The following USP34 variants were observed in gnomAD, a reference collection of about 807,000 sequenced individuals.
USP34 encodes ubiquitin carboxyl-terminal hydrolase 34.
In USP34, 70 loss-of-function variants were observed where a neutral mutation model predicts 460.3. That is an observed-to-expected ratio of 0.15 (90% CI 0.13 to 0.19). The LOEUF (loss-of-function observed/expected upper bound fraction) is 0.19. USP34 is among the 10% of genes least tolerant of loss of function. The pLI is 1.00. For synonymous variants in USP34, 1,647 were observed against 1,405.3 expected, an observed-to-expected ratio of 1.17 and a Z score of -3.85; for missense variants, 3,985 against 4,236.2, an observed-to-expected ratio of 0.94 and a Z score of 1.65.
chr2:61,333,924 A>G lies in USP34; in HGVS notation c.2792T>C (p.Phe931Ser), dbSNP rs996710021. ...LRLLPKLFGT[F>S]QQFGSSYDTH... Reference sequence around the variant, plus strand: ...ATCGTAACTGCTCCCAAACTGCTGAAAAGTACCAAATAGTTTTGGAAGAAG... The same window carrying G: ...ATCGTAACTGCTCCCAAACTGCTGAGAAGTACCAAATAGTTTTGGAAGAAG... Residue 931 changes from phenylalanine (F) to serine (S), a missense_variant, in exon 19 of 80, where the codon TTT becomes TCT. Physicochemically the swap from Phe to Ser is radical, Grantham distance 155 (BLOSUM62 -2). Transcript: ENST00000398571. 2 of 1,597,814 alleles carry G rather than the reference A, an allele frequency of 1.3e-6. No individual in the cohort carries two copies. Among genetic ancestry groups the G allele is most frequent in the Admixed American group, 1.7e-5 (1 of 58,584 alleles).
At chr2:61,381,203 T>TA (rs756924837) in intron 6 of USP34, among the ~76,000 whole-genome samples, 52 of 97,940 alleles carry the variant, frequency 5.3e-4, no homozygotes, top group Middle Eastern at 6.0e-3. Flanking sequence ...GAATGATCAA[T>TA]AAAAAAAAAA....
chr2:61,308,205 A>G (rs1051460381), intron 27 of USP34, among the ~76,000 whole-genome samples: 1 of 152,196 alleles, frequency 6.6e-6, no homozygotes, highest in Admixed American at 6.5e-5. Flanking sequence ...AAATATTTAC[A>G]TTGAATGCAA....
At chr2:61,396,113 T>C (rs891364703) in intron 3 of USP34, among the ~76,000 whole-genome samples, 1 of 151,568 alleles carries the variant, frequency 6.6e-6, no homozygotes, top group African/African-American at 2.4e-5. Flanking sequence ...AAATACATGA[T>C]AGTTAAGTGG....
At chr2:61,372,481 C>T (rs1422882489) in intron 8 of USP34, among the ~76,000 whole-genome samples, 1 of 152,100 alleles carries the variant, frequency 6.6e-6, no homozygotes, top group African/African-American at 2.4e-5. Flanking sequence ...GTAATCCTAG[C>T]ACTTTGGGAG....
At chr2:61,423,089 A>T (rs550544410) in intron 1 of USP34, among the ~76,000 whole-genome samples, 1 of 152,342 alleles carries the variant, frequency 6.6e-6, no homozygotes, top group Non-Finnish European at 1.5e-5. Flanking sequence ...AATTCAAAAC[A>T]CAAAAATCAG....
intron 44 of USP34, among the ~76,000 whole-genome samples, chr2:61,258,087 C>T (rs1688769326): frequency 1.3e-5 from 2 of 152,142 alleles, no homozygotes; most frequent in Non-Finnish European, 2.9e-5. Context: ...GGTATGATAG[C>T]TCATGCCTGT....
At chr2:61,391,874 C>T (rs970200641) in intron 5 of USP34, among the ~76,000 whole-genome samples, 9 of 151,930 alleles carry the variant, frequency 5.9e-5, no homozygotes, top group African/African-American at 2.2e-4. Context: ...GGAAAAGATG[C>T]CTATTAAAGA....
At chr2:61,315,079 A>G in intron 23 of USP34, 105 bp from the exon 24 acceptor site, 1 of 736,702 alleles carries the variant, frequency 1.4e-6, no homozygotes, top group South Asian at 2.3e-5. Flanking sequence ...CCTATTATTC[A>G]GCTATTAAAT....
intron 10 of USP34, among the ~76,000 whole-genome samples, chr2:61,361,998 C>CCTA (rs1159633052): frequency 6.6e-6 from 1 of 151,616 alleles, no homozygotes; most frequent in African/African-American, 2.4e-5. Flanking sequence ...AATAAATAAC[C>CCTA]CTATGTAGGG....
intron 1 of USP34, among the ~76,000 whole-genome samples, chr2:61,452,929 A>C: frequency 6.9e-6 from 1 of 144,484 alleles, no homozygotes; most frequent in Admixed American, 6.9e-5. Flanking sequence ...AAAAAAAAAC[A>C]CCCACAACTT....
Position 61,204,604 on chromosome 2 carries a change from GAAAAT to G in USP34, c.9155-8_9155-4del. On this transcript the variant is annotated splice_polypyrimidine_tract_variant and splice_region_variant and intron_variant, in intron 72 of 79. Coordinates refer to ENST00000398571, the MANE Select transcript of USP34 (RefSeq NM_014709.4). ...AAGTACAAGTTCCTTGAGGACATCTGAAAATAAAAACAAAGTTTGGGTAGCAAAAA... is the reference window on the plus strand; with the variant it reads ...AAGTACAAGTTCCTTGAGGACATCTGAAAAACAAAGTTTGGGTAGCAAAAA... 1 of 1,610,910 alleles carries G rather than the reference GAAAAT, an allele frequency of 6.2e-7. No individual in the cohort carries two copies. The highest frequency in any genetic ancestry group is 1.3e-5 in the African/African-American group (1 of 74,856).
intron 34 of USP34, among the ~76,000 whole-genome samples, chr2:61,285,284 T>A (rs935445208): frequency 6.6e-6 from 1 of 151,758 alleles, no homozygotes; most frequent in Non-Finnish European, 1.5e-5. Flanking sequence ...AGCCCAGAAA[T>A]CCGACACTAG....
rs1400138797 is a variant in USP34, at chr2:61,266,100, T to C, written c.5501A>G (p.Lys1834Arg). Residue 1834 changes from lysine to arginine, a missense_variant, in exon 42 of 80, where the codon AAG becomes AGG. By Grantham distance (26) the Lys-to-Arg change is conservative. This residue lies in a region of USP34 where 1,114 missense variants were observed against 1,122.5 expected (regional missense o/e 0.99). Coordinates refer to ENST00000398571, the MANE Select transcript of USP34 (RefSeq NM_014709.4). ...LPSLKDRQQP[K>R]CKSHSSRAAA... Reference sequence around the variant, plus strand: ...AGCTCTTGAAGAATGTGATTTGCACTTTGGCTGTTGTCGGTCCTTTAGACT... The same window carrying C: ...AGCTCTTGAAGAATGTGATTTGCACCTTGGCTGTTGTCGGTCCTTTAGACT... 3 of 1,613,906 alleles carry C rather than the reference T, an allele frequency of 1.9e-6. No individual in the cohort carries two copies. Among genetic ancestry groups the C allele is most frequent in the Non-Finnish European group, 1.7e-6 (2 of 1,179,906 alleles).
At chr2:61,193,045 C>T in intron 75 of USP34, 65 bp from the exon 76 acceptor site, 1 of 1,285,282 alleles carries the variant, frequency 7.8e-7, no homozygotes, top group Non-Finnish European at 1.1e-6. Context: ...ATACTCAACT[C>T]TGCAGGTACA....
intron 3 of USP34, among the ~76,000 whole-genome samples, chr2:61,404,594 T>A (rs538985796): frequency 6.6e-6 from 1 of 152,038 alleles, no homozygotes; most frequent in Non-Finnish European, 1.5e-5. Context: ...TAGTGGAAAA[T>A]AAGCCATGTG....
intron 1 of USP34, among the ~76,000 whole-genome samples, chr2:61,435,849 T>G (rs1030321656): frequency 3.1e-4 from 47 of 151,924 alleles, no homozygotes; most frequent in African/African-American, 1.1e-3. Flanking sequence ...GCCAATATAG[T>G]AAAACCTCAT....
rs557354022 is a variant in USP34, at chr2:61,225,207, C to A, written c.7595+1860G>T. ...TAGTTTTAAATAAGTTATGCAAAACCCTACAATTTAATATTTTTATCTTTC... is the reference window on the plus strand; with the variant it reads ...TAGTTTTAAATAAGTTATGCAAAACACTACAATTTAATATTTTTATCTTTC... On this transcript the variant is annotated intron_variant, in intron 62 of 79. Coordinates refer to ENST00000398571, the MANE Select transcript of USP34 (RefSeq NM_014709.4). Among the ~76,000 whole-genome samples, 3 of 152,022 alleles carry A rather than the reference C, an allele frequency of 2.0e-5. No individual in the cohort carries two copies. In the South Asian group the frequency reaches 6.2e-4, roughly 32 times the overall value.
At chr2:61,400,539 C>T (rs1029093046) in intron 3 of USP34, among the ~76,000 whole-genome samples, 6 of 152,042 alleles carry the variant, frequency 3.9e-5, no homozygotes, top group African/African-American at 7.2e-5. Flanking sequence ...AATTGTACAA[C>T]GTTGGTATTA....
At chr2:61,368,146 A>T (rs1249590217) in intron 10 of USP34, among the ~76,000 whole-genome samples, 1 of 152,176 alleles carries the variant, frequency 6.6e-6, no homozygotes, top group Non-Finnish European at 1.5e-5. Context: ...AAGAATGGGC[A>T]CGTCAGGCCG....
Sources: allele counts gnomAD v4.1 joint callset (sites outside exome capture counted in the v4.1 genomes callset), GRCh38; gene constraint gnomAD v4.1.1; regional missense constraint gnomAD v4.1.1; transcripts MANE v1.5; gene names NCBI Gene and HGNC (gene_info 2026-07-23, HGNC 2026-07-21).